Variants in SRPK2 observed in about 807,000 individuals in gnomAD.
SRPK2 encodes the protein SFRS protein kinase 2.
SRPK2 carries 21 observed loss-of-function variants against 90.8 expected under a neutral mutation model. The ratio of observed to expected loss-of-function variants is 0.23; its 90% CI spans 0.16 to 0.33. The LOEUF (loss-of-function observed/expected upper bound fraction) is 0.33, where lower values mean the gene tolerates loss of function less well. Ranked by LOEUF, SRPK2 falls within the 10% of genes least tolerant of loss-of-function variation. The pLI, the probability that SRPK2 is intolerant of heterozygous loss-of-function variation, is 1.00. For synonymous variants in SRPK2, 288 were observed against 311.1 expected, an observed-to-expected ratio of 0.93 and a Z score of 0.78; for missense variants, 620 against 869.0, an observed-to-expected ratio of 0.71 and a Z score of 3.60.
intron 2 of SRPK2, among the ~76,000 whole-genome samples, chr7:105,361,591 T>G (rs1818430823): frequency 6.6e-6 from 1 of 152,076 alleles, no homozygotes; most frequent in African/African-American, 2.4e-5. Context: ...AAGGCTACAG[T>G]AACAAAAACA....
chr7:105,364,894 C>T (rs1314085480), intron 2 of SRPK2, among the ~76,000 whole-genome samples: 1 of 152,086 alleles, frequency 6.6e-6, no homozygotes, highest in Non-Finnish European at 1.5e-5. Flanking sequence ...ACTCCAGGGA[C>T]AAAGCATCAA....
chr7:105,223,093 G>A (rs879341984), intron 2 of SRPK2, among the ~76,000 whole-genome samples: 5 of 152,182 alleles, frequency 3.3e-5, no homozygotes, highest in Non-Finnish European at 5.9e-5. Context: ...ATACAGTCCA[G>A]GGCCTCAGCC....
chr7:105,344,011 G>A (rs552322005), intron 2 of SRPK2, among the ~76,000 whole-genome samples: 1 of 152,220 alleles, frequency 6.6e-6, no homozygotes, highest in South Asian at 2.1e-4. Flanking sequence ...TGATCCACCC[G>A]ACTCAGCCTC....
At chr7:105,342,369 T>G (rs1254057440) in intron 2 of SRPK2, among the ~76,000 whole-genome samples, 1 of 150,376 alleles carries the variant, frequency 6.6e-6, no homozygotes, top group East Asian at 1.9e-4. Flanking sequence ...TTAAATAAAA[T>G]AAAAATATAA....
chr7:105,315,565 C>T (rs375430899), intron 2 of SRPK2, among the ~76,000 whole-genome samples: 1 of 152,166 alleles, frequency 6.6e-6, no homozygotes, highest in Non-Finnish European at 1.5e-5. Flanking sequence ...ATTCTGGGCC[C>T]ATGACTCTCA....
chr7:105,360,982 A>T (rs1258433770), intron 2 of SRPK2, among the ~76,000 whole-genome samples: 1 of 152,192 alleles, frequency 6.6e-6, no homozygotes, highest in Non-Finnish European at 1.5e-5. Context: ...TGGCCAGGGC[A>T]ATCAGGCAAG....
chr7:105,246,767 GAA>G (rs1307692225), intron 2 of SRPK2, among the ~76,000 whole-genome samples: 1 of 152,062 alleles, frequency 6.6e-6, no homozygotes, highest in Non-Finnish European at 1.5e-5. Flanking sequence ...TTGGAGTACT[GAA>G]GACAATCAAC....
intron 1 of SRPK2, among the ~76,000 whole-genome samples, chr7:105,398,757 TAGTGTAACATAGAAGAGAGTGGCAGAGCC>T (rs1822395630): frequency 1.3e-5 from 2 of 152,228 alleles, no homozygotes; most frequent in South Asian, 4.1e-4. Flanking sequence ...ACCATCATAA[TAGTGTAACATAGAAGAGAGTGGCAGAGCC>T]AGACTGCCAG....
intron 2 of SRPK2, among the ~76,000 whole-genome samples, chr7:105,259,604 C>T (rs1275283386): frequency 6.6e-6 from 1 of 152,152 alleles, no homozygotes; most frequent in Non-Finnish European, 1.5e-5. Flanking sequence ...AAGAACAAAG[C>T]TGGAGGCATC....
At chr7:105,386,079 C>A (rs987170080) in intron 2 of SRPK2, among the ~76,000 whole-genome samples, 7 of 152,102 alleles carry the variant, frequency 4.6e-5, no homozygotes, top group Non-Finnish European at 7.4e-5. Context: ...CTTTAGGAGG[C>A]CGAGGCGGGC....
At chr7:105,354,048 T>G (rs1038159204) in intron 2 of SRPK2, among the ~76,000 whole-genome samples, 1 of 152,226 alleles carries the variant, frequency 6.6e-6, no homozygotes, top group African/African-American at 2.4e-5. Context: ...TCCTCTTTGC[T>G]GGCCCAACAG....
At chr7:105,187,601 C>T (rs984798485) in intron 3 of SRPK2, among the ~76,000 whole-genome samples, 6 of 152,226 alleles carry the variant, frequency 3.9e-5, no homozygotes, top group African/African-American at 1.4e-4. Flanking sequence ...TAAATCCTTC[C>T]GTCTTGAAAA....
intron 7 of SRPK2, chr7:105,160,232 T>C (rs1194054383): frequency 4.2e-6 from 1 of 235,478 alleles, no homozygotes. Flanking sequence ...AACAATGTAA[T>C]TGTACCATGT....
chr7:105,294,695 T>A (rs1308084654), intron 2 of SRPK2, among the ~76,000 whole-genome samples: 1 of 152,026 alleles, frequency 6.6e-6, no homozygotes, highest in Non-Finnish European at 1.5e-5. Context: ...CTGGCTAATT[T>A]TTCTATTTTT....
At chr7:105,221,599 C>A (rs1798104767) in intron 2 of SRPK2, among the ~76,000 whole-genome samples, 1 of 152,152 alleles carries the variant, frequency 6.6e-6, no homozygotes, top group African/African-American at 2.4e-5. Flanking sequence ...GTCACTACTG[C>A]CTCAATTTCC....
intron 6 of SRPK2, among the ~76,000 whole-genome samples, chr7:105,165,274 T>C (rs1789890029): frequency 6.6e-6 from 1 of 152,130 alleles, no homozygotes; most frequent in African/African-American, 2.4e-5. Context: ...CCACATAACT[T>C]AGTAGCATGG....
chr7:105,235,166 A>G (rs530876133), intron 2 of SRPK2, among the ~76,000 whole-genome samples: 3 of 152,364 alleles, frequency 2.0e-5, no homozygotes, highest in Admixed American at 1.3e-4. Flanking sequence ...TTTGGAAACT[A>G]CAAGTATTAT....
Position 105,171,006 on chromosome 7 carries a change from AAAGAAAGAG to A in SRPK2, c.230-1750_230-1742del, listed in dbSNP as rs1172168766. On this transcript the variant is annotated intron_variant, in intron 3 of 15. Coordinates refer to ENST00000393651, the MANE Select transcript of SRPK2 (RefSeq NM_182692.3). Reference sequence around the variant, plus strand: ...AAGAAAGAAAGAAAGAGAAAGAAAGAAAGAAAGAGAGGAAGGAAGGAAGGAAGGAAGGAA... The same window carrying A: ...AAGAAAGAAAGAAAGAGAAAGAAAGAAGGAAGGAAGGAAGGAAGGAAGGAA... 1.8e-3 allele frequency among the ~76,000 whole-genome samples: 238 copies of A among 130,176 alleles called. 22 individuals are homozygous for A. The highest frequency in any genetic ancestry group is 0.017 in the Admixed American group (219 of 13,178). 85.4% of individuals were successfully genotyped at this position (130,176 alleles called of 152,430 possible). A position where few individuals can be genotyped will look rare whatever the true frequency, so the allele number is the denominator to read the frequency against.
intron 2 of SRPK2, among the ~76,000 whole-genome samples, chr7:105,321,470 T>G (rs1156681372): frequency 6.6e-6 from 1 of 152,050 alleles, no homozygotes; most frequent in Non-Finnish European, 1.5e-5. Flanking sequence ...GAAAAAACTG[T>G]AAAATGAACT....
Sources: allele counts gnomAD v4.1 joint callset (sites outside exome capture counted in the v4.1 genomes callset), GRCh38; gene constraint gnomAD v4.1.1; transcripts MANE v1.5; gene names NCBI Gene and HGNC (gene_info 2026-07-23, HGNC 2026-07-21).